MEGF10: variants seen among roughly 807,000 people sequenced by gnomAD.
The protein encoded by MEGF10 is multiple EGF like domains 10, also known as multiple epidermal growth factor-like domains protein 10.
A neutral mutation model predicts 147.5 loss-of-function variants in MEGF10; 86 were observed. That is an observed-to-expected ratio of 0.58 (90% CI 0.49 to 0.70). The LOEUF is 0.70. MEGF10 is among the 30% of genes least tolerant of loss of function. MEGF10 has a pLI of 0.00. For synonymous variants in MEGF10, 478 were observed against 525.5 expected (o/e 0.91, Z 1.24); for missense variants, 1,329 against 1,487.3 (o/e 0.89, Z 1.75).
At chr5:127,407,551 T>A (rs1289654155) in intron 8 of MEGF10, among the ~76,000 whole-genome samples, 1 of 152,208 alleles carries the variant, frequency 6.6e-6, no homozygotes, top group African/African-American at 2.4e-5. Context: ...TGTAAAAAAA[T>A]TGGAAACCCC....
the MEGF10 span, among the ~76,000 whole-genome samples, chr5:127,250,466 A>G: frequency 2.6e-5 from 4 of 152,102 alleles, no homozygotes; most frequent in Admixed American, 2.6e-4. Context: ...GTGATTAAAA[A>G]CAAGTAAACA....
intron 6 of MEGF10, among the ~76,000 whole-genome samples, chr5:127,397,823 C>T (rs1363386): frequency 2.6e-5 from 4 of 151,996 alleles, no homozygotes; most frequent in East Asian, 1.9e-4. Context: ...AAGGGCCATG[C>T]GACACGTGGG....
intron 13 of MEGF10, 152 bp downstream of exon 13, chr5:127,422,924 A>G (rs1285393771): frequency 1.6e-5 from 10 of 636,344 alleles, no homozygotes; most frequent in Admixed American, 1.4e-4. Flanking sequence ...CCTTTAATCT[A>G]TAATCCAGGA....
chr5:127,338,976 C>T, intron 2 of MEGF10, 144 bp from the exon 3 acceptor site: 3 of 430,840 alleles, frequency 7.0e-6, no homozygotes, highest in Non-Finnish European at 1.2e-5. Flanking sequence ...AAATAAAAAC[C>T]CATAAAAACA....
At chr5:127,246,577 C>T in the MEGF10 span, among the ~76,000 whole-genome samples, 11 of 150,418 alleles carry the variant, frequency 7.3e-5, no homozygotes, top group East Asian at 2.0e-4. Context: ...ACATTCTGCA[C>T]GTGTATCCCA....
At chr5:127,441,149 T>C (rs945490039) in intron 18 of MEGF10, among the ~76,000 whole-genome samples, 2 of 152,224 alleles carry the variant, frequency 1.3e-5, no homozygotes, top group Non-Finnish European at 2.9e-5. Context: ...CCTCTCCTTC[T>C]TATTTTTGGA....
intron 5 of MEGF10, among the ~76,000 whole-genome samples, chr5:127,386,491 A>G (rs190189188): frequency 1.3e-5 from 2 of 152,334 alleles, no homozygotes; most frequent in Admixed American, 1.3e-4. Context: ...ACTTCTGGAC[A>G]TACAGTCACC....
At chr5:127,284,457 C>A in the MEGF10 span, among the ~76,000 whole-genome samples, 1 of 151,822 alleles carries the variant, frequency 6.6e-6, no homozygotes, top group African/African-American at 2.4e-5. Flanking sequence ...ATTTGAGGAA[C>A]CACAGTAAGC....
At chr5:127,301,177 C>G (rs1759750969) in intron 1 of MEGF10, among the ~76,000 whole-genome samples, 1 of 152,182 alleles carries the variant, frequency 6.6e-6, no homozygotes, top group Non-Finnish European at 1.5e-5. Context: ...TTCCTGAGCT[C>G]CTCAGTGAGC....
the MEGF10 span, among the ~76,000 whole-genome samples, chr5:127,257,493 G>A: frequency 0.047 from 7,166 of 152,082 alleles, 281 homozygotes; most frequent in African/African-American, 0.1. Context: ...CATGACAAGC[G>A]CCATATTTTG....
At chr5:127,236,174 T>C in the MEGF10 span, among the ~76,000 whole-genome samples, 1 of 152,200 alleles carries the variant, frequency 6.6e-6, no homozygotes, top group African/African-American at 2.4e-5. Flanking sequence ...GGTTTCACCA[T>C]GTTGGCCAGG....
intron 4 of MEGF10, among the ~76,000 whole-genome samples, chr5:127,365,974 G>A (rs886177147): frequency 1.5e-4 from 23 of 152,086 alleles, no homozygotes; most frequent in African/African-American, 5.3e-4. Context: ...GTGGACCTCT[G>A]TTCCCTTTTT....
chr5:127,447,391 A>G (rs1355334724), intron 20 of MEGF10, among the ~76,000 whole-genome samples, 166 bp from the exon 21 acceptor site: 1 of 152,008 alleles, frequency 6.6e-6, no homozygotes, highest in African/African-American at 2.4e-5. Context: ...GTTAGCCAGG[A>G]TGGTCTCGAT....
chr5:127,436,303 T>G (rs1430047516), intron 16 of MEGF10, among the ~76,000 whole-genome samples: 2 of 152,236 alleles, frequency 1.3e-5, no homozygotes, highest in Non-Finnish European at 2.9e-5. Context: ...CAAATACTAA[T>G]TGATGAGCAA....
intron 4 of MEGF10, among the ~76,000 whole-genome samples, chr5:127,354,924 A>C (rs1300752735): frequency 1.3e-5 from 2 of 152,108 alleles, no homozygotes; most frequent in East Asian, 3.9e-4. Flanking sequence ...AGGCTTGAGC[A>C]AATTGGGCAC....
chr5:127,424,236 T>A, intron 13 of MEGF10: 1 of 662,708 alleles, frequency 1.5e-6, no homozygotes, highest in Non-Finnish European at 2.7e-6. Context: ...TGTCTATATA[T>A]CTCTCCTTAT....
rs1580899375 is a variant in MEGF10, at chr5:127,460,600, A to T, written c.*3282A>T. The T allele has an allele frequency of 6.6e-6, 1 of 152,210 alleles. No individual in the cohort carries two copies. Among genetic ancestry groups the T allele is most frequent in the Non-Finnish European group, 1.5e-5 (1 of 68,022 alleles). The allele number at this position is 152,210 out of a possible 1,614,324, so 9.4% of individuals were successfully genotyped here. ...TGGTCATCTTGACCCCCAAAGAGCC[A>T]CAGTAGCTGTCAATTATTGAGATTT... On this transcript the variant is annotated 3_prime_UTR_variant, in exon 25 of 25. Transcript: ENST00000503335.
At chr5:127,378,662 A>C (rs865858680) in intron 5 of MEGF10, among the ~76,000 whole-genome samples, 3 of 152,196 alleles carry the variant, frequency 2.0e-5, no homozygotes, top group African/African-American at 7.2e-5. Context: ...CATGTCTCCC[A>C]TGCAGGTCCC....
intron 9 of MEGF10, among the ~76,000 whole-genome samples, chr5:127,415,913 A>AG (rs1405257844): frequency 1.3e-5 from 2 of 151,704 alleles, no homozygotes; most frequent in Admixed American, 1.3e-4. Flanking sequence ...AAAAAAAAAA[A>AG]AAAAGAATAA....
Sources: gnomAD v4.1 joint callset for allele counts (sites outside exome capture counted in the v4.1 genomes callset) on GRCh38, gnomAD v4.1.1 for gene constraint, MANE v1.5 for transcripts, NCBI Gene and HGNC (gene_info 2026-07-23, HGNC 2026-07-21) for gene names.